The following ZNF536 variants were observed in gnomAD, a reference collection of about 807,000 sequenced individuals.
The protein encoded by ZNF536 is zinc finger protein 536.
In ZNF536, 13 loss-of-function variants were observed where a neutral mutation model predicts 84.5. The observed-to-expected ratio is 0.15, with a 90% CI of 0.10 to 0.24. The LOEUF is 0.24. Ranked by LOEUF, ZNF536 falls within the 10% of genes least tolerant of loss-of-function variation. The pLI, the probability that ZNF536 is intolerant of heterozygous loss-of-function variation, is 1.00. For missense variants in ZNF536, 1,536 were observed against 1,747.5 expected (o/e 0.88, Z 2.16); for synonymous variants, 811 against 742.5 (o/e 1.09, Z -1.50).
At chr19:30,480,906 G>A (rs893650074) in intron 2 of ZNF536, among the ~76,000 whole-genome samples, 1 of 151,922 alleles carries the variant, frequency 6.6e-6, no homozygotes, top group Non-Finnish European at 1.5e-5. Flanking sequence ...CATGGTGGAT[G>A]CGGCTGTAAT....
At chr19:30,702,669 C>G (rs1049105198) in intron 1 of ZNF536, among the ~76,000 whole-genome samples, 1 of 152,190 alleles carries the variant, frequency 6.6e-6, no homozygotes, top group Non-Finnish European at 1.5e-5. Flanking sequence ...TCCCCTGTAC[C>G]TCGCTGACCT....
intron 3 of ZNF536, among the ~76,000 whole-genome samples, chr19:30,539,152 TTATAAGAAATTGGCTCAAGTGATTATGG>T (rs2045218833): frequency 1.3e-5 from 2 of 151,428 alleles, no homozygotes; most frequent in Admixed American, 1.3e-4. Flanking sequence ...CACAGGAGAT[TTATAAGAAATTGGCTCAAGTGATTATGG>T]AGGCTGAGAA....
chr19:30,508,820 C>CTTTTTTTTTTTTT (rs914349353), intron 2 of ZNF536, among the ~76,000 whole-genome samples: 100 of 68,790 alleles, frequency 1.5e-3, no homozygotes, highest in South Asian at 1.8e-3. Context: ...TTCTTTCTTT[C>CTTTTTTTTTTTTT]TTTTTTTTTT....
At position 30,444,120 on chromosome 19, in the gene ZNF536, C is replaced by T. The variant is rs2148169645; in HGVS notation, c.558C>T (p.Gly186=). 1 of 1,611,126 alleles carries T rather than the reference C, an allele frequency of 6.2e-7. No individual in the cohort carries two copies. Among genetic ancestry groups the T allele is most frequent in the Non-Finnish European group, 8.5e-7 (1 of 1,178,842 alleles). Reference sequence around the variant, plus strand: ...GGACCCACAAGCTGGGCAACCTGGGCAAGGGGCGTGGGCGTGTGCGCGAGG... The same window carrying T: ...GGACCCACAAGCTGGGCAACCTGGGTAAGGGGCGTGGGCGTGTGCGCGAGG... The part of the protein sequence containing the change: ...HLRTHKLGNL[G]KGRGRVREEN... Residue 186 remains glycine, a synonymous_variant, in exon 2 of 5, where the codon GGC becomes GGT. Coordinates refer to ENST00000355537, the MANE Select transcript of ZNF536 (RefSeq NM_014717.3).
intron 1 of ZNF536, among the ~76,000 whole-genome samples, chr19:30,700,707 G>T (rs2051904896): frequency 1.3e-5 from 2 of 152,096 alleles, no homozygotes; most frequent in Admixed American, 1.3e-4. Context: ...GTATCCTATT[G>T]ACCTATAAGA....
In ZNF536 at chr19:30,525,060, C is replaced by T. The variant is rs139809421; in HGVS notation, c.2171-9787C>T. Among the ~76,000 whole-genome samples the T allele has an allele frequency of 1.9e-3, 286 of 152,158 alleles. 1 individual carries two copies. Among genetic ancestry groups the T allele is most frequent in the African/African-American group, 6.3e-3 (260 of 41,494 alleles). On this transcript the variant is annotated intron_variant, in intron 2 of 4. Coordinates refer to ENST00000355537, the MANE Select transcript of ZNF536 (RefSeq NM_014717.3). ...ATGATAGTCAGATCTTCGTTTTTAA[C>T]CAGGAAGGAATTGAGTAAATGAAAT...
intron 3 of ZNF536, among the ~76,000 whole-genome samples, chr19:30,359,083 C>T (rs1269416787): frequency 2.0e-5 from 3 of 149,608 alleles, no homozygotes; most frequent in Non-Finnish European, 4.4e-5. Flanking sequence ...GAGTGTGGGC[C>T]GAGTTTGTCC....
intron 1 of ZNF536, among the ~76,000 whole-genome samples, chr19:30,618,797 T>C (rs868211364): frequency 2.0e-5 from 3 of 151,490 alleles, no homozygotes; most frequent in Admixed American, 6.6e-5. Flanking sequence ...CATAGGATTC[T>C]TTTTTTTTCC....
chr19:30,627,896 C>T (rs569210449), intron 1 of ZNF536, among the ~76,000 whole-genome samples: 5 of 152,282 alleles, frequency 3.3e-5, no homozygotes, highest in Admixed American at 3.3e-4. Flanking sequence ...GGCTCAGCAC[C>T]AATATGACCC....
chr19:30,533,733 C>A (rs2044955934), intron 2 of ZNF536, among the ~76,000 whole-genome samples: 3 of 152,168 alleles, frequency 2.0e-5, no homozygotes, highest in Non-Finnish European at 4.4e-5. Context: ...CCTTGTTCTC[C>A]TAGTGGGATT....
upstream of ZNF536, among the ~76,000 whole-genome samples, chr19:30,368,267 C>T (rs1303885656): frequency 6.6e-6 from 1 of 152,238 alleles, no homozygotes; most frequent in Non-Finnish European, 1.5e-5. Context: ...AGTCCATCCT[C>T]CAGCTTCTCC....
chr19:30,623,519 C>CA (rs2147163645), intron 1 of ZNF536, among the ~76,000 whole-genome samples: 1 of 152,356 alleles, frequency 6.6e-6, no homozygotes, highest in South Asian at 2.1e-4. Flanking sequence ...GGTCTGGCCA[C>CA]ACTGGCCTCC....
At chr19:30,321,374 C>G (rs558547522) in intron 2 of ZNF536, among the ~76,000 whole-genome samples, 1 of 152,050 alleles carries the variant, frequency 6.6e-6, no homozygotes, top group Non-Finnish European at 1.5e-5. Flanking sequence ...CTGGCCATCA[C>G]GTTGAAACCC....
chr19:30,479,536 T>G (rs2053986369), intron 2 of ZNF536, among the ~76,000 whole-genome samples: 1 of 152,230 alleles, frequency 6.6e-6, no homozygotes, highest in African/African-American at 2.4e-5. Context: ...AACAACTGTT[T>G]GTTTAATTGC....
chr19:30,539,363 C>T (rs745334516), intron 3 of ZNF536, among the ~76,000 whole-genome samples: 4 of 152,156 alleles, frequency 2.6e-5, no homozygotes, highest in Non-Finnish European at 5.9e-5. Context: ...ATGCCTTCAA[C>T]GGATTGGACA....
intron 3 of ZNF536, among the ~76,000 whole-genome samples, chr19:30,361,909 C>T (rs1460605213): frequency 2.0e-5 from 3 of 152,126 alleles, no homozygotes; most frequent in African/African-American, 7.2e-5. Flanking sequence ...CTCCTGTGTC[C>T]CTCTTGGCCC....
chr19:30,600,697 G>A (rs1236521599), intron 1 of ZNF536, among the ~76,000 whole-genome samples: 1 of 152,222 alleles, frequency 6.6e-6, no homozygotes, highest in African/African-American at 2.4e-5. Context: ...GAGGCAGTGG[G>A]TCCCTTCCAA....
intron 1 of ZNF536, among the ~76,000 whole-genome samples, chr19:30,700,054 TCC>T (rs1292568270): frequency 1.3e-5 from 2 of 150,542 alleles, no homozygotes; most frequent in Admixed American, 1.3e-4. Flanking sequence ...TTTCTCTCCC[TCC>T]CTCCGCCTCC....
At chr19:30,405,978 T>C (rs908308105) in intron 1 of ZNF536, among the ~76,000 whole-genome samples, 1 of 152,148 alleles carries the variant, frequency 6.6e-6, no homozygotes, top group Non-Finnish European at 1.5e-5. Context: ...GGATTTACCA[T>C]GTTGTCCAAG....
Sources: allele counts gnomAD v4.1 joint callset (sites outside exome capture counted in the v4.1 genomes callset), GRCh38; gene constraint gnomAD v4.1.1; transcripts MANE v1.5; gene names NCBI Gene and HGNC (gene_info 2026-07-23, HGNC 2026-07-21).